ARHGAP25: variants seen among roughly 807,000 people sequenced by gnomAD.
ARHGAP25 encodes the protein Rho GTPase activating protein 25, also known as rho GTPase-activating protein 25.
Under a neutral mutation model 71.0 loss-of-function variants are expected in ARHGAP25, and 34 were observed. That is an observed-to-expected ratio of 0.48 (90% confidence interval 0.36 to 0.64). The LOEUF is 0.64. Among genes scored for constraint, ARHGAP25 ranks in the 30% least tolerant of loss-of-function variants. ARHGAP25 has a pLI of 0.00. For missense variants in ARHGAP25, 706 were observed against 805.1 expected (o/e 0.88, Z 1.49); for synonymous variants, 282 against 296.5 (o/e 0.95, Z 0.50).
chr2:68,748,251 C>T (rs1024248744), intron 1 of ARHGAP25, among the ~76,000 whole-genome samples: 3 of 152,170 alleles, frequency 2.0e-5, no homozygotes, highest in African/African-American at 7.2e-5. Context: ...AAATGTGCTT[C>T]CCAGATCTTA....
At chr2:68,753,190 G>T (rs1159361574) in intron 1 of ARHGAP25, among the ~76,000 whole-genome samples, 8 of 152,172 alleles carry the variant, frequency 5.3e-5, no homozygotes, top group Non-Finnish European at 4.4e-5. Flanking sequence ...TTGCAACCAA[G>T]ATATTAACTG....
intron 1 of ARHGAP25, among the ~76,000 whole-genome samples, chr2:68,747,644 G>A (rs1035906070): frequency 1.3e-5 from 2 of 151,984 alleles, no homozygotes; most frequent in East Asian, 1.9e-4. Flanking sequence ...AATATCTCAC[G>A]GGCTTCCCTC....
At chr2:68,811,251 A>C (rs1680793129) in intron 5 of ARHGAP25, among the ~76,000 whole-genome samples, 1 of 152,124 alleles carries the variant, frequency 6.6e-6, no homozygotes, top group African/African-American at 2.4e-5. Context: ...AGGGATTTGG[A>C]AGACTGATTG....
In ARHGAP25 at chr2:68,771,654, C is replaced by T. The variant is rs75598232; in HGVS notation, c.62-3567C>T. On this transcript the variant is annotated intron_variant, in intron 1 of 10. Transcript: ENST00000409202. Reference sequence around the variant, plus strand: ...GGCTCTGCACTTGGGATGGAAAGTGCCCCTGCTTAATCCCCAGCTCATCTG... The same window carrying T: ...GGCTCTGCACTTGGGATGGAAAGTGTCCCTGCTTAATCCCCAGCTCATCTG... Among the ~76,000 whole-genome samples, 201 of 152,266 alleles carry T rather than the reference C, an allele frequency of 1.3e-3. 1 individual carries two copies. The highest frequency in any genetic ancestry group is 4.6e-3 in the African/African-American group (192 of 41,542).
intron 2 of ARHGAP25, among the ~76,000 whole-genome samples, chr2:68,721,644 A>G (rs1207250274): frequency 6.6e-6 from 1 of 152,254 alleles, no homozygotes; most frequent in Non-Finnish European, 1.5e-5. Flanking sequence ...CAGTGAAATC[A>G]GCTGCTCTAG....
At position 68,822,852 on chromosome 2, in the gene ARHGAP25, G is replaced by A. The variant is rs767977976; in HGVS notation, c.1713G>A (p.Met571Ile). The change falls in exon 10 of 11, where the codon ATG (methionine) becomes ATA (isoleucine). Residue 571 changes from methionine (M) to isoleucine (I), a missense_variant. By Grantham distance (10) the Met-to-Ile change is conservative. Transcript: ENST00000409202. Reference protein sequence around the residue: ...LRKEIETQKQMYEEQIKNLEK... With the variant: ...LRKEIETQKQIYEEQIKNLEK... ...AGGAAATAGAAACACAGAAGCAAAT[G>A]TATGAGGAACAGATTAAAAAGTAAG... 5.0e-6 allele frequency: 8 copies of A among 1,612,760 alleles called. No homozygotes were observed. In the Admixed American group the frequency reaches 6.7e-5, roughly 13 times the overall value.
intron 1 of ARHGAP25, among the ~76,000 whole-genome samples, chr2:68,748,577 CCTGTTAACT>C (rs1366460640): frequency 2.6e-5 from 4 of 152,166 alleles, no homozygotes; most frequent in Non-Finnish European, 5.9e-5. Flanking sequence ...TAGCCTGTGG[CCTGTTAACT>C]TTTCTGCAGC....
At chr2:68,751,311 C>T (rs1676159446) in intron 1 of ARHGAP25, among the ~76,000 whole-genome samples, 1 of 152,080 alleles carries the variant, frequency 6.6e-6, no homozygotes, top group African/African-American at 2.4e-5. Context: ...GGATAGAAAC[C>T]AGAGGAGAAT....
chr2:68,786,032 G>T (rs973357151), intron 3 of ARHGAP25, among the ~76,000 whole-genome samples: 1 of 152,030 alleles, frequency 6.6e-6, no homozygotes. Flanking sequence ...TTGTCTCTTG[G>T]ACCTATCTTA....
Position 68,826,602 on chromosome 2 carries a change from CA to C in ARHGAP25, c.*409del, listed in dbSNP as rs977689456. 47 of 327,222 alleles carry C rather than the reference CA, an allele frequency of 1.4e-4. No homozygotes were observed. Among genetic ancestry groups the C allele is most frequent in the African/African-American group, 9.3e-4 (43 of 46,294 alleles). 20.3% of individuals were successfully genotyped at this position (327,222 alleles called of 1,614,324 possible). ...ACAGCCTCAGGGCATCTCTGAGACA[CA>C]GGGGCAGAAAATGACATTCATCTTT... On this transcript the variant is annotated 3_prime_UTR_variant, in exon 11 of 11. Coordinates refer to ENST00000409202, the MANE Select transcript of ARHGAP25 (RefSeq NM_001007231.3).
chr2:68,742,679 A>C (rs1675582820), intron 1 of ARHGAP25, among the ~76,000 whole-genome samples: 1 of 152,224 alleles, frequency 6.6e-6, no homozygotes, highest in Non-Finnish European at 1.5e-5. Flanking sequence ...GAATCAAGTC[A>C]TTGGTGAAAA....
intron 1 of ARHGAP25, among the ~76,000 whole-genome samples, chr2:68,750,167 C>G (rs1285259721): frequency 9.6e-6 from 1 of 104,472 alleles, no homozygotes; most frequent in South Asian, 3.5e-4. Context: ...CCGCCATGCC[C>G]GGCTGATTTT....
At position 68,819,414 on chromosome 2, in the gene ARHGAP25, T is replaced by G. The variant is rs777475622; in HGVS notation, c.1200+95T>G. The G allele has an allele frequency of 2.3e-6, 3 of 1,300,294 alleles. No individual in the cohort carries two copies. The African/African-American group carries it at 4.4e-5, about 19-fold the overall frequency. The allele number at this position is 1,300,294 out of a possible 1,614,324, so 80.5% of individuals were successfully genotyped here. A position where few individuals can be genotyped will look rare whatever the true frequency, so the allele number is the denominator to read the frequency against. ...TGCTCTCGGGTGGCAATTTGGGGAGTTTTAGGTGATGCAGTGGCAGTGGGC... is the reference window on the plus strand; with the variant it reads ...TGCTCTCGGGTGGCAATTTGGGGAGGTTTAGGTGATGCAGTGGCAGTGGGC... On this transcript the variant is annotated intron_variant, in intron 9 of 10. Coordinates refer to ENST00000409202, the MANE Select transcript of ARHGAP25 (RefSeq NM_001007231.3).
chr2:68,729,246 T>C (rs1558601063), intron 2 of ARHGAP25, among the ~76,000 whole-genome samples: 1 of 152,178 alleles, frequency 6.6e-6, no homozygotes, highest in Non-Finnish European at 1.5e-5. Context: ...AATTGCATGG[T>C]ATGTGAATTA....
At chr2:68,737,528 CA>C (rs563288219) in intron 1 of ARHGAP25, among the ~76,000 whole-genome samples, 1 of 152,230 alleles carries the variant, frequency 6.6e-6, no homozygotes, top group South Asian at 2.1e-4. Context: ...CCAGTTGTGA[CA>C]AATAAAACTG....
intron 2 of ARHGAP25, among the ~76,000 whole-genome samples, chr2:68,723,958 T>C (rs1051661641): frequency 1.3e-5 from 2 of 152,136 alleles, no homozygotes; most frequent in African/African-American, 2.4e-5. Flanking sequence ...CACTGCAGCC[T>C]GGACCTTCGG....
At chr2:68,778,231 C>T (rs1678060952) in intron 2 of ARHGAP25, among the ~76,000 whole-genome samples, 1 of 151,956 alleles carries the variant, frequency 6.6e-6, no homozygotes, top group African/African-American at 2.4e-5. Context: ...TATATCTATA[C>T]AATAAAATAC....
intron 1 of ARHGAP25, among the ~76,000 whole-genome samples, chr2:68,771,148 G>T (rs1321328830): frequency 6.6e-6 from 1 of 152,186 alleles, no homozygotes; most frequent in Non-Finnish European, 1.5e-5. Flanking sequence ...ACTAGACAAT[G>T]CAGTGCTAGG....
intron 2 of ARHGAP25, among the ~76,000 whole-genome samples, chr2:68,712,028 C>T (rs1376998999): frequency 2.0e-5 from 3 of 151,988 alleles, no homozygotes; most frequent in African/African-American, 4.8e-5. Flanking sequence ...GGTTATATAC[C>T]CAGTAATGGG....
Sources: gnomAD v4.1 joint callset for allele counts (sites outside exome capture counted in the v4.1 genomes callset) on GRCh38, gnomAD v4.1.1 for gene constraint, MANE v1.5 for transcripts, NCBI Gene and HGNC (gene_info 2026-07-23, HGNC 2026-07-21) for gene names.